The following UBTD1 variants were observed in gnomAD, a reference collection of about 807,000 sequenced individuals.
The protein encoded by UBTD1 is ubiquitin domain-containing protein 1.
A neutral mutation model predicts 21.7 loss-of-function variants in UBTD1; 19 were observed. The observed-to-expected ratio is 0.87, with a 90% CI of 0.61 to 1.28. The LOEUF (loss-of-function observed/expected upper bound fraction) is 1.28, where lower values mean the gene tolerates loss of function less well. Among genes scored for constraint, UBTD1 ranks in the 50% most tolerant of loss-of-function variants. The probability of loss-of-function intolerance (pLI) is 0.00; values close to 1 mark genes in which losing one functional copy is unlikely to be tolerated. For synonymous variants in UBTD1, 116 were observed against 135.1 expected (o/e 0.86, Z 0.98); for missense variants, 282 against 315.1 (o/e 0.89, Z 0.80).
chr10:97,565,404 C>A (rs1432609347), intron 1 of UBTD1, among the ~76,000 whole-genome samples: 1 of 152,166 alleles, frequency 6.6e-6, no homozygotes, highest in Non-Finnish European at 1.5e-5. Context: ...ATTTATAGAT[C>A]AGTTTAGGGG....
At chr10:97,529,731 C>T (rs892374022) in intron 1 of UBTD1, among the ~76,000 whole-genome samples, 4 of 53,092 alleles carry the variant, frequency 7.5e-5, no homozygotes, top group African/African-American at 8.4e-5. Flanking sequence ...AGAGGGAGAC[C>T]GTGGAAAGAG....
At chr10:97,558,539 A>G (rs1417384899) in intron 1 of UBTD1, among the ~76,000 whole-genome samples, 1 of 152,172 alleles carries the variant, frequency 6.6e-6, no homozygotes, top group Non-Finnish European at 1.5e-5. Context: ...AGGACCCTAC[A>G]GTCTGGGTTA....
At chr10:97,535,615 AAAAAAG>A (rs914287852) in intron 1 of UBTD1, among the ~76,000 whole-genome samples, 8 of 152,110 alleles carry the variant, frequency 5.3e-5, no homozygotes, top group Non-Finnish European at 1.2e-4. Flanking sequence ...ACTCTGTCTC[AAAAAAG>A]AAAAAGAAAA....
chr10:97,529,520 G>C (rs965522717), intron 1 of UBTD1, among the ~76,000 whole-genome samples: 1 of 152,208 alleles, frequency 6.6e-6, no homozygotes, highest in African/African-American at 2.4e-5. Flanking sequence ...CCGGCACCTC[G>C]GGAGGCCGAG....
At chr10:97,561,426 C>T (rs531384623) in intron 1 of UBTD1, among the ~76,000 whole-genome samples, 7 of 152,246 alleles carry the variant, frequency 4.6e-5, no homozygotes, top group Middle Eastern at 3.4e-3. Flanking sequence ...CCTTAAAATC[C>T]GAGCTCCCTG....
At chr10:97,512,153 G>A (rs1301267128) in intron 1 of UBTD1, among the ~76,000 whole-genome samples, 1 of 152,182 alleles carries the variant, frequency 6.6e-6, no homozygotes, top group Non-Finnish European at 1.5e-5. Flanking sequence ...TTCTGTGGTT[G>A]GTTTTTATTT....
chr10:97,555,428 T>C (rs549477796), intron 1 of UBTD1, among the ~76,000 whole-genome samples: 115 of 152,102 alleles, frequency 7.6e-4, no homozygotes, highest in African/African-American at 2.7e-3. Flanking sequence ...TCACGTGAGG[T>C]GGGGATTGGA....
At chr10:97,501,463 G>A (rs982662692) in intron 1 of UBTD1, among the ~76,000 whole-genome samples, 5 of 152,156 alleles carry the variant, frequency 3.3e-5, no homozygotes, top group Admixed American at 2.6e-4. Context: ...GGTGGCAGGC[G>A]CCTGTAATCC....
At chr10:97,539,643 G>T (rs1191206892) in intron 1 of UBTD1, among the ~76,000 whole-genome samples, 5 of 152,094 alleles carry the variant, frequency 3.3e-5, no homozygotes, top group African/African-American at 1.2e-4. Context: ...TTCAAGACTG[G>T]TTGTTAACAC....
chr10:97,531,390 C>T (rs2040531336), intron 1 of UBTD1, among the ~76,000 whole-genome samples: 1 of 151,494 alleles, frequency 6.6e-6, no homozygotes, highest in Non-Finnish European at 1.5e-5. Flanking sequence ...TTTGTATTTT[C>T]GTAGAGGTGA....
intron 1 of UBTD1, among the ~76,000 whole-genome samples, chr10:97,500,159 A>C (rs2040352446): frequency 6.6e-6 from 1 of 152,184 alleles, no homozygotes; most frequent in Non-Finnish European, 1.5e-5. Context: ...GAGGTTGAAC[A>C]CCTTGTCCAA....
chr10:97,506,555 A>G (rs916341372), intron 1 of UBTD1, among the ~76,000 whole-genome samples: 2 of 152,014 alleles, frequency 1.3e-5, no homozygotes, highest in African/African-American at 4.8e-5. Context: ...ATAGTTTTGT[A>G]GCATGAGTAC....
chr10:97,570,111 A>T lies in UBTD1; in HGVS notation c.299-27A>T. ...TCCATGATAGTGGATCCCCAAGCTG[A>T]CTCTGACAGCCCTGCCTCTCCTACA... On this transcript the variant is annotated intron_variant, in intron 2 of 2. Coordinates refer to ENST00000370664, the MANE Select transcript of UBTD1 (RefSeq NM_024954.5). The surrounding 1 kb of genome is among the most constrained non-coding windows in gnomAD (Gnocchi z 6.6). 6.3e-7 allele frequency: 1 copy of T among 1,577,640 alleles called. No homozygotes were observed. Among genetic ancestry groups the T allele is most frequent in the Non-Finnish European group, 8.6e-7 (1 of 1,158,050 alleles).
intron 1 of UBTD1, among the ~76,000 whole-genome samples, chr10:97,554,159 C>G (rs1237408441): frequency 6.6e-6 from 1 of 152,018 alleles, no homozygotes; most frequent in African/African-American, 2.4e-5. Flanking sequence ...ACAGTTACAG[C>G]TCAGGTGTCC....
chr10:97,527,407 G>A (rs150327142), intron 1 of UBTD1, among the ~76,000 whole-genome samples: 232 of 151,856 alleles, frequency 1.5e-3, no homozygotes, highest in African/African-American at 5.1e-3. Context: ...TCCAAGTTGT[G>A]TCACTGGCCC....
intron 1 of UBTD1, among the ~76,000 whole-genome samples, chr10:97,560,215 C>CT (rs529303228): frequency 8.3e-4 from 127 of 152,184 alleles, no homozygotes; most frequent in African/African-American, 2.9e-3. Context: ...CTGCCTCACC[C>CT]TTTTTTTGAA....
intron 1 of UBTD1, among the ~76,000 whole-genome samples, chr10:97,526,353 A>G (rs1401020396): frequency 6.6e-6 from 1 of 152,190 alleles, no homozygotes; most frequent in Non-Finnish European, 1.5e-5. Flanking sequence ...AGTGTGTGCA[A>G]AGCTTTATGC....
At chr10:97,530,924 G>T (rs902560405) in intron 1 of UBTD1, among the ~76,000 whole-genome samples, 2 of 151,876 alleles carry the variant, frequency 1.3e-5, no homozygotes, top group Non-Finnish European at 2.9e-5. Flanking sequence ...GTCTGGCTCT[G>T]TTGCCCAGGC....
intron 1 of UBTD1, among the ~76,000 whole-genome samples, chr10:97,517,822 G>GAATGA (rs2135662120): frequency 1.3e-5 from 2 of 152,252 alleles, no homozygotes; most frequent in Admixed American, 1.3e-4. Context: ...AACTGCATAG[G>GAATGA]CCTAGGATCC....
Sources: gnomAD v4.1 joint callset for allele counts (sites outside exome capture counted in the v4.1 genomes callset) on GRCh38, gnomAD v4.1.1 for gene constraint, Gnocchi (gnomAD v3.1) non-coding constraint, MANE v1.5 for transcripts, NCBI Gene and HGNC (gene_info 2026-07-23, HGNC 2026-07-21) for gene names.